Variants in MORC3 observed in about 807,000 individuals in gnomAD.
MORC3 encodes MORC family CW-type zinc finger 3, also known as MORC family CW-type zinc finger protein 3.
In MORC3, 31 loss-of-function variants were observed where a neutral mutation model predicts 109.1. The observed-to-expected ratio is 0.28, with a 90% confidence interval of 0.21 to 0.38. The LOEUF (loss-of-function observed/expected upper bound fraction) is 0.38. Among genes scored for constraint, MORC3 ranks in the 10% least tolerant of loss-of-function variants. The probability of loss-of-function intolerance (pLI) is 1.00; values close to 1 mark genes in which losing one functional copy is unlikely to be tolerated. For missense variants in MORC3, 867 were observed against 1,135.8 expected (o/e 0.76, Z 3.40); for synonymous variants, 395 against 380.7 (o/e 1.04, Z -0.44).
chr21:36,364,371 T>C, intron 14 of MORC3, 112 bp downstream of exon 14: 1 of 1,174,572 alleles, frequency 8.5e-7, no homozygotes, highest in Non-Finnish European at 1.2e-6. Context: ...TTGTGAATTG[T>C]AGGTTCCATG....
intron 12 of MORC3, chr21:36,361,684 C>T (rs948251840): frequency 9.9e-5 from 16 of 161,094 alleles, no homozygotes; most frequent in Admixed American, 9.6e-4. Context: ...GTCAGGAGTT[C>T]GAGACCAGCC....
At chr21:36,364,754 A>T (rs2085759555) in intron 14 of MORC3, among the ~76,000 whole-genome samples, 1 of 151,964 alleles carries the variant, frequency 6.6e-6, no homozygotes, top group Non-Finnish European at 1.5e-5. Context: ...ATCAGGACTT[A>T]AAAAAATGTG....
At chr21:36,334,044 C>T (rs932038884) in intron 2 of MORC3, among the ~76,000 whole-genome samples, 9 of 152,056 alleles carry the variant, frequency 5.9e-5, no homozygotes, top group Non-Finnish European at 1.2e-4. Context: ...GCCTCAGCCT[C>T]CCAAAGTGCT....
At chr21:36,326,391 T>C (rs2085248455) in intron 1 of MORC3, among the ~76,000 whole-genome samples, 1 of 151,858 alleles carries the variant, frequency 6.6e-6, no homozygotes, top group Non-Finnish European at 1.5e-5. Flanking sequence ...CCGGGCATGG[T>C]GACACACAAC....
At chr21:36,367,190 C>G (rs1289881949) in intron 14 of MORC3, among the ~76,000 whole-genome samples, 2 of 152,130 alleles carry the variant, frequency 1.3e-5, no homozygotes, top group African/African-American at 4.8e-5. Flanking sequence ...TGTACATGAG[C>G]CATTGTTTTG....
intron 14 of MORC3, among the ~76,000 whole-genome samples, chr21:36,368,423 G>C (rs1461095164): frequency 6.6e-6 from 1 of 152,186 alleles, no homozygotes; most frequent in African/African-American, 2.4e-5. Context: ...ATCAAATGCA[G>C]AGATGTTTGG....
intron 1 of MORC3, among the ~76,000 whole-genome samples, chr21:36,329,429 T>A (rs1319663644): frequency 6.6e-6 from 1 of 152,072 alleles, no homozygotes; most frequent in Admixed American, 6.6e-5. Context: ...TTTTTTTGGG[T>A]TTTGTGAGCA....
At position 36,369,777 on chromosome 21, in the gene MORC3, T is replaced by A; in HGVS notation, c.2409T>A (p.Asn803Lys). 6.2e-7 allele frequency: 1 copy of A among 1,614,048 alleles called. No homozygotes were observed. The highest frequency in any genetic ancestry group is 1.1e-5 in the South Asian group (1 of 91,072). Residue 803 changes from asparagine (N) to lysine (K), a missense_variant, in exon 15 of 17, where the codon AAT becomes AAA. This residue lies in a region of MORC3 where 486 missense variants were observed against 502.1 expected (regional missense o/e 0.97). Coordinates refer to ENST00000400485, the MANE Select transcript of MORC3 (RefSeq NM_015358.3). ...CTGAATGCAGCCAGTGTTCCAATAATGAGAGTAAAAGTGAAATGGATGAGA... is the reference window on the plus strand; with the variant it reads ...CTGAATGCAGCCAGTGTTCCAATAAAGAGAGTAAAAGTGAAATGGATGAGA... The part of the protein sequence containing the change: ...VKAECSQCSN[N>K]ESKSEMDEMA...
chr21:36,333,456 T>G (rs139675320), intron 1 of MORC3, 190 bp from the exon 2 acceptor site: 3 of 588,406 alleles, frequency 5.1e-6, no homozygotes, highest in Non-Finnish European at 9.0e-6. Flanking sequence ...GTAAGCTGTT[T>G]AGTTGGTTCC....
intron 1 of MORC3, among the ~76,000 whole-genome samples, chr21:36,326,745 G>GC (rs146700369): frequency 0.026 from 4,021 of 152,006 alleles, 167 homozygotes; most frequent in African/African-American, 0.089. Flanking sequence ...GTTGTAGTGT[G>GC]CGTTAGGATT....
chr21:36,327,951 A>G (rs975242346), intron 1 of MORC3, among the ~76,000 whole-genome samples: 1 of 150,612 alleles, frequency 6.6e-6, no homozygotes, highest in South Asian at 2.1e-4. Flanking sequence ...ATCTTGGCTC[A>G]CTGCAACCTC....
chr21:36,320,201 T>C lies in MORC3; in HGVS notation c.-64T>C. 1.9e-6 allele frequency: 3 copies of C among 1,548,980 alleles called. No homozygotes were observed. Among genetic ancestry groups the C allele is most frequent in the Non-Finnish European group, 2.6e-6 (3 of 1,144,558 alleles). ...GGGCGGTACCCATAGGGCTCCACAGTCGTTCCGCCACCTCCCAGTCGGGTT... is the reference window on the plus strand; with the variant it reads ...GGGCGGTACCCATAGGGCTCCACAGCCGTTCCGCCACCTCCCAGTCGGGTT... On this transcript the variant is annotated 5_prime_UTR_variant, in exon 1 of 17. Transcript: ENST00000400485.
chr21:36,365,070 A>AAAAAC (rs55889408), intron 14 of MORC3, among the ~76,000 whole-genome samples: 1 of 151,146 alleles, frequency 6.6e-6, no homozygotes, highest in Non-Finnish European at 1.5e-5. Flanking sequence ...AAAAAAAAAA[A>AAAAAC]CATGAAGCAA....
At chr21:36,359,853 A>T in intron 10 of MORC3, 102 bp from the exon 11 acceptor site, 10 of 1,493,886 alleles carry the variant, frequency 6.7e-6, no homozygotes, top group Non-Finnish European at 9.2e-6. Flanking sequence ...TTAGGAAAGG[A>T]ATTAAATAAT....
chr21:36,371,618 A>G (rs1011100376), intron 15 of MORC3, among the ~76,000 whole-genome samples: 2 of 152,214 alleles, frequency 1.3e-5, no homozygotes, highest in African/African-American at 4.8e-5. Context: ...TAGAATGCAT[A>G]TAACTTTCAC....
chr21:36,356,818 C>G, intron 10 of MORC3, 94 bp downstream of exon 10: 1 of 715,692 alleles, frequency 1.4e-6, no homozygotes, highest in South Asian at 2.3e-5. Context: ...AAACTTAGGA[C>G]TGTAACTCAT....
chr21:36,365,051 CAAAAAA>C (rs72445251), intron 14 of MORC3, among the ~76,000 whole-genome samples: 1 of 94,430 alleles, frequency 1.1e-5, no homozygotes, highest in Non-Finnish European at 2.0e-5. Context: ...GACTCCATCT[CAAAAAA>C]AAAAAAAAAA....
At chr21:36,332,793 T>TC (rs1463737558) in intron 1 of MORC3, among the ~76,000 whole-genome samples, 4 of 150,496 alleles carry the variant, frequency 2.7e-5, no homozygotes, top group South Asian at 4.2e-4. Context: ...ACTCTTTCTT[T>TC]TTTTTTTTTT....
intron 2 of MORC3, among the ~76,000 whole-genome samples, chr21:36,334,486 G>A (rs2085353298): frequency 6.6e-6 from 1 of 152,126 alleles, no homozygotes; most frequent in Admixed American, 6.6e-5. Flanking sequence ...CTTATTTTGA[G>A]ATGAGGTCTC....
Sources: allele counts gnomAD v4.1 joint callset (sites outside exome capture counted in the v4.1 genomes callset), GRCh38; gene constraint gnomAD v4.1.1; regional missense constraint gnomAD v4.1.1; transcripts MANE v1.5; gene names NCBI Gene and HGNC (gene_info 2026-07-23, HGNC 2026-07-21).